CD63: variants seen among roughly 807,000 people sequenced by gnomAD.
CD63 encodes CD63 molecule.
CD63 carries 16 observed loss-of-function variants against 29.2 expected under a neutral mutation model. The ratio of observed to expected loss-of-function variants is 0.55; its 90% CI spans 0.37 to 0.83. The LOEUF is 0.83. Among genes scored for constraint, CD63 ranks in the 40% least tolerant of loss-of-function variants. CD63 has a pLI of 0.00. For synonymous variants in CD63, 118 were observed against 111.7 expected (o/e 1.06, Z -0.36); for missense variants, 251 against 297.3 (o/e 0.84, Z 1.15).
chr12:55,727,977 A>G, intron 2 of CD63: 6 of 1,214,718 alleles, frequency 4.9e-6, no homozygotes, highest in Non-Finnish European at 6.4e-6. Context: ...CGATAGCATC[A>G]GGCGGTTGGC....
chr12:55,724,314 G>GGCT (rs758358887), downstream of CD63: 8 of 1,614,078 alleles, frequency 5.0e-6, no homozygotes, highest in East Asian at 1.8e-4. Flanking sequence ...CCACCTATGG[G>GGCT]GCTGCAGACC....
rs1592526922 is a variant in CD63, at chr12:55,725,430, A to G, written c.*131T>C. 3 of 766,558 alleles carry G rather than the reference A, an allele frequency of 3.9e-6. No homozygotes were observed. In the East Asian group the frequency reaches 7.4e-5, roughly 19 times the overall value. The allele number at this position is 766,558 out of a possible 1,614,324, so 47.5% of individuals were successfully genotyped here. On this transcript the variant is annotated 3_prime_UTR_variant, in exon 8 of 8. Coordinates refer to ENST00000257857, the MANE Select transcript of CD63 (RefSeq NM_001780.6). The stretch of plus-strand genomic sequence containing the variant: ...ACAGGGAACATCAGTAAGGAAAGGA[A>G]GGAATCAAGCATCACTCTAAGACAA...
downstream of CD63, chr12:55,724,722 G>A: frequency 1.4e-6 from 1 of 691,344 alleles, no homozygotes. Flanking sequence ...CCCCATTTAA[G>A]TGCCAACTAC....
At chr12:55,727,445 G>A in intron 2 of CD63, 106 bp from the exon 3 acceptor site, 1 of 1,279,258 alleles carries the variant, frequency 7.8e-7, no homozygotes, top group Non-Finnish European at 1.1e-6. Flanking sequence ...CCATCCGGAA[G>A]AGAGATTCTC....
chr12:55,724,215 A>C, downstream of CD63: 2 of 1,445,206 alleles, frequency 1.4e-6, no homozygotes, highest in South Asian at 2.4e-5. Flanking sequence ...CACTCCCCAC[A>C]CTGAGGAGGG....
chr12:55,726,316 A>C, intron 5 of CD63, 55 bp from the exon 6 acceptor site: 1 of 1,082,456 alleles, frequency 9.2e-7, no homozygotes, highest in Non-Finnish European at 1.4e-6. Context: ...CTTCACCTTC[A>C]ATATGGAGAT....
At chr12:55,726,334 CTTTTTTTTTTTTT>C (rs777731653) in intron 5 of CD63, 73 bp from the exon 6 acceptor site, 28 of 288,110 alleles carry the variant, frequency 9.7e-5, no homozygotes, top group East Asian at 6.1e-4. Context: ...GATGAGAATT[CTTTTTTTTTTTTT>C]TTTTTTTTTT....
At position 55,727,275 on chromosome 12, in the gene CD63, A is replaced by G. The variant is rs1156624937; in HGVS notation, c.131T>C (p.Ile44Thr). The change falls in exon 3 of 8, where the codon ATC (isoleucine) becomes ACC (threonine). Residue 44 changes from isoleucine to threonine, a missense_variant. Coordinates refer to ENST00000257857, the MANE Select transcript of CD63 (RefSeq NM_001780.6). ...GAQLVLSQTIIQGATPGSLLP... is the reference protein window; with the variant it reads ...GAQLVLSQTITQGATPGSLLP... ...CAGAGAGCCAGGGGTAGCCCCCTGG[A>G]TTATGGTCTGACTCAGGACAAGCTG... 2 of 1,613,774 alleles carry G rather than the reference A, an allele frequency of 1.2e-6. No individual in the cohort carries two copies. Among genetic ancestry groups the G allele is most frequent in the Non-Finnish European group, 1.7e-6 (2 of 1,180,018 alleles).
chr12:55,725,089 C>T (rs1465915546), downstream of CD63, among the ~76,000 whole-genome samples: 1 of 152,128 alleles, frequency 6.6e-6, no homozygotes, highest in Non-Finnish European at 1.5e-5. Flanking sequence ...GAGCTGGATC[C>T]CTTGAGGATT....
chr12:55,724,566 A>C (rs1208196098), downstream of CD63: 3 of 1,601,894 alleles, frequency 1.9e-6, no homozygotes, highest in South Asian at 1.1e-5. Flanking sequence ...CCAGCAAGAG[A>C]TTGTTTTTCA....
downstream of CD63, chr12:55,724,802 C>T (rs1877130288): frequency 3.6e-6 from 2 of 557,730 alleles, no homozygotes; most frequent in South Asian, 2.0e-5. Flanking sequence ...CACAGTGGGG[C>T]GCCAGGGAAC....
chr12:55,726,304 A>ACC, intron 5 of CD63, 43 bp from the exon 6 acceptor site: 4 of 1,315,642 alleles, frequency 3.0e-6, no homozygotes, highest in Non-Finnish European at 4.3e-6. Context: ...TGTTAAGTGA[A>ACC]CCTTCACCTT....
downstream of CD63, chr12:55,724,628 C>T: frequency 2.4e-6 from 3 of 1,250,304 alleles, no homozygotes; most frequent in Non-Finnish European, 3.5e-6. Flanking sequence ...TGCCTGGTGC[C>T]TGCCACAAAA....
chr12:55,726,810 G>A lies in CD63; in HGVS notation c.331-15C>T. 6.2e-7 allele frequency: 1 copy of A among 1,609,702 alleles called. No individual in the cohort carries two copies. Among genetic ancestry groups the A allele is most frequent in the Non-Finnish European group, 8.5e-7 (1 of 1,175,958 alleles). ...TCTGACATCACCTGAGAGTACGGAG[G>A]AGCACTGTTGCAGTCAGAATTCAAG... On this transcript the variant is annotated splice_polypyrimidine_tract_variant and intron_variant, in intron 4 of 7. Transcript: ENST00000257857.
At chr12:55,724,205 C>T, downstream of CD63, 3 of 1,442,508 alleles carry the variant, frequency 2.1e-6, no homozygotes, top group Non-Finnish European at 2.9e-6. Flanking sequence ...GGAACCTGCC[C>T]ACTCCCCACA....
In CD63 at chr12:55,728,398, G is replaced by A; in HGVS notation, c.-11-46C>T. On this transcript the variant is annotated intron_variant, in intron 1 of 7. Transcript: ENST00000257857. The surrounding 1 kb of genome is among the most constrained non-coding windows in gnomAD (Gnocchi z 4.8). ...GGGGGATTAAAACTGGCCGAAGGGG[G>A]ACCTCGGTTTCCGGGCTCCCGGCCG... is the stretch of plus-strand genomic sequence containing the variant. 1.9e-6 allele frequency: 3 copies of A among 1,572,462 alleles called. No individual in the cohort carries two copies. Among genetic ancestry groups the A allele is most frequent in the South Asian group, 2.3e-5 (2 of 85,906 alleles).
At chr12:55,727,488 A>T in intron 2 of CD63, 149 bp from the exon 3 acceptor site, 1 of 1,183,798 alleles carries the variant, frequency 8.4e-7, no homozygotes, top group Non-Finnish European at 1.1e-6. Context: ...GCTGTGGGGT[A>T]GGGGGATGAC....
In CD63 at chr12:55,726,113, C is replaced by T; in HGVS notation, c.567+8G>A. ...TTTCCCAAGTCCCATACACAGTCTC[C>T]TCCCTACCTCCTTATGGATCGCCTT... On this transcript the variant is annotated splice_region_variant and intron_variant, in intron 6 of 7. Coordinates refer to ENST00000257857, the MANE Select transcript of CD63 (RefSeq NM_001780.6). 3.1e-6 allele frequency: 5 copies of T among 1,613,934 alleles called. No homozygotes were observed. Among genetic ancestry groups the T allele is most frequent in the Middle Eastern group, 1.7e-4 (1 of 6,060 alleles).
intron 3 of CD63, 24 bp downstream of exon 3, chr12:55,727,127 A>G: frequency 1.2e-6 from 2 of 1,602,794 alleles, no homozygotes; most frequent in Non-Finnish European, 1.7e-6. Context: ...CAGACCGCCC[A>G]TGTTGGTCCC....
Sources: allele counts gnomAD v4.1 joint callset (sites outside exome capture counted in the v4.1 genomes callset), GRCh38; gene constraint gnomAD v4.1.1; non-coding constraint Gnocchi (gnomAD v3.1); transcripts MANE v1.5; gene names NCBI Gene and HGNC (gene_info 2026-07-23, HGNC 2026-07-21).